Variants in CTPS2 observed in about 807,000 individuals in gnomAD.
CTPS2 encodes the protein CTP synthase II.
CTPS2 carries 19 observed loss-of-function variants against 46.8 expected under a neutral mutation model. That is an observed-to-expected ratio of 0.41 (90% CI 0.28 to 0.60). The LOEUF is 0.60. Ranked by LOEUF, CTPS2 falls within the 20% of genes least tolerant of loss-of-function variation. CTPS2 has a pLI of 0.35. For synonymous variants in CTPS2, 151 were observed against 165.2 expected (o/e 0.91, Z 0.66); for missense variants, 286 against 447.6 (o/e 0.64, Z 3.26).
intron 8 of CTPS2, among the ~76,000 whole-genome samples, chrX:16,689,155 A>T (rs932542634): frequency 4.5e-5 from 5 of 112,324 alleles, no homozygotes; most frequent in Non-Finnish European, 7.5e-5. Context: ...TAAAAAATGA[A>T]CTAGCAAATA....
At chrX:16,682,843 T>C (rs1359198177) in intron 9 of CTPS2, among the ~76,000 whole-genome samples, 1 of 112,046 alleles carries the variant, frequency 8.9e-6, no homozygotes, top group Non-Finnish European at 1.9e-5. Context: ...GGAGAGCACT[T>C]AGAAGCTTGC....
chrX:16,618,328 G>A (rs903433064), intron 15 of CTPS2, among the ~76,000 whole-genome samples: 1 of 112,090 alleles, frequency 8.9e-6, no homozygotes, highest in Non-Finnish European at 1.9e-5. Context: ...ACCACATTTT[G>A]CTTATCTATT....
chrX:16,687,104 G>A (rs929923184), intron 8 of CTPS2, among the ~76,000 whole-genome samples: 3 of 110,555 alleles, frequency 2.7e-5, no homozygotes, highest in African/African-American at 9.9e-5. Context: ...CCAGGACTGT[G>A]AGAGAATAAA....
chrX:16,629,584 C>T (rs1018281646), intron 14 of CTPS2, among the ~76,000 whole-genome samples: 7 of 110,493 alleles, frequency 6.3e-5, no homozygotes, highest in African/African-American at 2.0e-4. Flanking sequence ...TAATGTTTCA[C>T]GAACATTCAA....
At chrX:16,630,941 G>A (rs1040264959) in intron 14 of CTPS2, among the ~76,000 whole-genome samples, 13 of 112,947 alleles carry the variant, frequency 1.2e-4, no homozygotes, top group Middle Eastern at 4.6e-3. Context: ...TGGCTGCAAA[G>A]CCAAAGATAT....
At chrX:16,603,411 T>C (rs1427308723) in intron 17 of CTPS2, among the ~76,000 whole-genome samples, 1 of 52,736 alleles carries the variant, frequency 1.9e-5, no homozygotes, top group Admixed American at 2.1e-4. Flanking sequence ...GTGAGACTTG[T>C]CTCAAAAATA....
intron 14 of CTPS2, among the ~76,000 whole-genome samples, chrX:16,621,446 T>TATAATAATAATA (rs10666371): frequency 1.7e-4 from 17 of 102,860 alleles, no homozygotes; most frequent in African/African-American, 5.3e-4. Context: ...GAACTTAAAG[T>TATAATAATAATA]ATAATAATAA....
At chrX:16,709,439 A>C (rs1310321768) in intron 1 of CTPS2, among the ~76,000 whole-genome samples, 13 of 111,302 alleles carry the variant, frequency 1.2e-4, no homozygotes, top group Non-Finnish European at 2.5e-4. Context: ...AAAAAAAAAA[A>C]AAAGGAAGAA....
At position 16,670,569 on chromosome X, in the gene CTPS2, A is replaced by T. The variant is rs1178968706; in HGVS notation, c.1189+11T>A. 3 of 1,178,270 alleles carry T rather than the reference A, an allele frequency of 2.5e-6. No homozygotes were observed. Among genetic ancestry groups the T allele is most frequent in the Non-Finnish European group, 3.4e-6 (3 of 870,524 alleles). On this transcript the variant is annotated intron_variant, in intron 11 of 18. Coordinates refer to ENST00000359276, the MANE Select transcript of CTPS2 (RefSeq NM_175859.3). ...AAACTCATAGTTAGGGTCAATAAAC[A>T]TGAGTTTTACCCAGAAAAGGAATCT...
chrX:16,596,665 T>C (rs1173893660), intron 17 of CTPS2, among the ~76,000 whole-genome samples: 9 of 109,228 alleles, frequency 8.2e-5, no homozygotes, highest in Non-Finnish European at 1.7e-4. Context: ...CGTGTGCATG[T>C]GTCTTTATAG....
intron 10 of CTPS2, among the ~76,000 whole-genome samples, chrX:16,671,515 T>C (rs1039111308): frequency 2.5e-4 from 22 of 89,565 alleles, no homozygotes; most frequent in Non-Finnish European, 4.9e-4. Flanking sequence ...CTTTTTTTTT[T>C]TTTTTTTTTT....
chrX:16,621,220 G>T (rs1276803009), intron 14 of CTPS2, among the ~76,000 whole-genome samples: 1 of 101,458 alleles, frequency 9.9e-6, no homozygotes, highest in East Asian at 3.3e-4. Flanking sequence ...TGACTTCATT[G>T]TCAGGTGAAT....
chrX:16,659,385 G>A (rs1161059931), intron 13 of CTPS2, among the ~76,000 whole-genome samples: 1 of 111,155 alleles, frequency 9.0e-6, no homozygotes, highest in Non-Finnish European at 1.9e-5. Context: ...GAACCTTGAG[G>A]GGAGCATGCA....
rs1049459019 is a variant in CTPS2, at chrX:16,589,200, G to A, written c.*617C>T. ...TCTAGCCCCAAGCATTTCACATAAG[G>A]GATACTCAGACTGTATTGCTGATCT... is the stretch of plus-strand genomic sequence containing the variant. On this transcript the variant is annotated 3_prime_UTR_variant, in exon 19 of 19. Coordinates refer to ENST00000359276, the MANE Select transcript of CTPS2 (RefSeq NM_175859.3). 1.8e-5 allele frequency: 2 copies of A among 111,820 alleles called. No individual in the cohort carries two copies. The highest frequency in any genetic ancestry group is 3.2e-5 in the African/African-American group (1 of 30,779). 9.2% of individuals were successfully genotyped at this position (111,820 alleles called of 1,213,427 possible).
Position 16,693,505 on chromosome X carries a change from A to T in CTPS2, c.439-18T>A. ...CCTCCCAGCTGGGAATGGAAAACAA[A>T]CAAAAAAAGACACAAATGACCACAC... On this transcript the variant is annotated intron_variant, in intron 4 of 18. Coordinates refer to ENST00000359276, the MANE Select transcript of CTPS2 (RefSeq NM_175859.3). 2 of 1,023,836 alleles carry T rather than the reference A, an allele frequency of 2.0e-6. No individual in the cohort carries two copies. The highest frequency in any genetic ancestry group is 2.7e-6 in the Non-Finnish European group (2 of 729,315). 84.4% of individuals were successfully genotyped at this position (1,023,836 alleles called of 1,213,427 possible).
rs1450623938 is a variant in CTPS2, at chrX:16,610,868, G to A, written c.1547-1183C>T. The stretch of plus-strand genomic sequence containing the variant: ...TGGAATAGTATGCAGCCATAAAAAC[G>A]AAACCATGTCCTTTGCAGCAACATG... On this transcript the variant is annotated intron_variant, in intron 16 of 18. Transcript: ENST00000359276. 1.2e-4 allele frequency among the ~76,000 whole-genome samples: 14 copies of A among 112,274 alleles called. No homozygotes were observed. In the East Asian group the frequency reaches 2.2e-3, roughly 18 times the overall value.
chrX:16,665,565 A>G (rs766676568), intron 13 of CTPS2, among the ~76,000 whole-genome samples: 1 of 112,185 alleles, frequency 8.9e-6, no homozygotes, highest in South Asian at 3.7e-4. Context: ...TGATTCAAAC[A>G]GGCAAATCTA....
chrX:16,601,797 A>AT (rs1460251958), intron 17 of CTPS2, among the ~76,000 whole-genome samples: 1 of 111,920 alleles, frequency 8.9e-6, no homozygotes, highest in African/African-American at 3.3e-5. Flanking sequence ...AGTGCTTTAC[A>AT]TTTAGTGTGA....
intron 10 of CTPS2, among the ~76,000 whole-genome samples, chrX:16,671,992 G>A (rs146609266): frequency 7.5e-4 from 83 of 111,078 alleles, no homozygotes; most frequent in African/African-American, 2.6e-3. Context: ...AAAACAGAGA[G>A]AGTTAAAGGC....
Sources: gnomAD v4.1 joint callset for allele counts (sites outside exome capture counted in the v4.1 genomes callset) on GRCh38, gnomAD v4.1.1 for gene constraint, MANE v1.5 for transcripts, NCBI Gene and HGNC (gene_info 2026-07-23, HGNC 2026-07-21) for gene names.